PIK3C2G: variants seen among roughly 807,000 people sequenced by gnomAD.
PIK3C2G encodes the protein phosphatidylinositol 3-kinase C2 domain-containing subunit gamma.
A neutral mutation model predicts 181.1 loss-of-function variants in PIK3C2G; 168 were observed. That is an observed-to-expected ratio of 0.93 (90% CI 0.82 to 1.05). PIK3C2G has a LOEUF of 1.05. Among genes scored for constraint, PIK3C2G ranks in the 50% least tolerant of loss-of-function variants. The pLI is 0.00. For missense variants in PIK3C2G, 1,869 were observed against 1,732.8 expected (o/e 1.08, Z -1.40); for synonymous variants, 573 against 592.2 (o/e 0.97, Z 0.47).
chr12:18,286,923 T>TA lies in PIK3C2G; in HGVS notation c.761dup (p.Ile255AsnfsTer9). 6.5e-7 allele frequency: 1 copy of TA among 1,537,070 alleles called. No individual in the cohort carries two copies. The highest frequency in any genetic ancestry group is 8.8e-7 in the Non-Finnish European group (1 of 1,136,678). On this transcript the variant is annotated frameshift_variant, in exon 3 of 33. Coordinates refer to ENST00000538779, the MANE Select transcript of PIK3C2G (RefSeq NM_001288772.2). LOFTEE classifies it high-confidence loss of function. ...AGTCTGGCCTCTTTTTGCAACAAAG[T>TA]AAAAAAGTGAGTACTGGTATTTCAT...
At chr12:18,683,453 C>T in the PIK3C2G span, 114 of 1,426,386 alleles carry the variant, frequency 8.0e-5, 1 homozygote, top group Admixed American at 8.2e-4. Context: ...GTTATATTCC[C>T]ATCTGGTATA....
chr12:18,479,546 T>A (rs535192266), intron 18 of PIK3C2G, among the ~76,000 whole-genome samples: 4 of 152,280 alleles, frequency 2.6e-5, no homozygotes, highest in African/African-American at 9.6e-5. Context: ...AACACAGCTA[T>A]GCAAAATGCT....
chr12:18,393,316 C>G (rs2138067474), intron 15 of PIK3C2G, among the ~76,000 whole-genome samples: 1 of 152,138 alleles, frequency 6.6e-6, no homozygotes, highest in South Asian at 2.1e-4. Flanking sequence ...CAGTTTTATT[C>G]TGGACTGTGA....
chr12:18,285,668 T>C (rs1040252102), intron 2 of PIK3C2G, among the ~76,000 whole-genome samples: 1 of 151,874 alleles, frequency 6.6e-6, no homozygotes, highest in Non-Finnish European at 1.5e-5. Flanking sequence ...AGGGTGTATA[T>C]TGCAATTCCT....
intron 8 of PIK3C2G, among the ~76,000 whole-genome samples, chr12:18,327,288 T>G (rs956019198): frequency 2.0e-5 from 3 of 152,082 alleles, no homozygotes; most frequent in Non-Finnish European, 4.4e-5. Context: ...GTTCACAATT[T>G]TGCGCTTTCT....
At chr12:18,277,049 A>G (rs1179584673) in intron 1 of PIK3C2G, among the ~76,000 whole-genome samples, 1 of 152,200 alleles carries the variant, frequency 6.6e-6, no homozygotes, top group African/African-American at 2.4e-5. Context: ...TTAAATAAAA[A>G]TAGTATCAGA....
chr12:18,376,130 G>A (rs968893727), intron 13 of PIK3C2G, among the ~76,000 whole-genome samples: 2 of 152,190 alleles, frequency 1.3e-5, no homozygotes, highest in African/African-American at 4.8e-5. Flanking sequence ...CTGCATAGTA[G>A]AGATGTGGGA....
At chr12:18,722,781 C>A in the PIK3C2G span, among the ~76,000 whole-genome samples, 1 of 151,800 alleles carries the variant, frequency 6.6e-6, no homozygotes, top group Non-Finnish European at 1.5e-5. Flanking sequence ...AAATGAAGAA[C>A]AAGCGAAAAG....
intron 16 of PIK3C2G, among the ~76,000 whole-genome samples, chr12:18,415,940 G>T (rs575507802): frequency 6.6e-6 from 1 of 152,132 alleles, no homozygotes; most frequent in African/African-American, 2.4e-5. Context: ...TAGCAGAGTT[G>T]GTTCATAAGG....
At chr12:18,343,183 G>T in intron 9 of PIK3C2G, 144 bp from the exon 10 acceptor site, 4 of 588,698 alleles carry the variant, frequency 6.8e-6, no homozygotes, top group Non-Finnish European at 1.2e-5. Context: ...TGTTTAATAA[G>T]CAAATTGATA....
At chr12:18,530,783 C>T (rs2136215491) in intron 24 of PIK3C2G, among the ~76,000 whole-genome samples, 1 of 152,184 alleles carries the variant, frequency 6.6e-6, no homozygotes, top group East Asian at 1.9e-4. Context: ...TCACCTGCTC[C>T]ACCACGTGAA....
At chr12:18,327,105 C>T (rs998804309) in intron 8 of PIK3C2G, among the ~76,000 whole-genome samples, 1 of 152,044 alleles carries the variant, frequency 6.6e-6, no homozygotes, top group African/African-American at 2.4e-5. Context: ...TTTCCATTAT[C>T]ACTGGCAAAC....
chr12:18,468,699 T>C (rs546910793), intron 18 of PIK3C2G, among the ~76,000 whole-genome samples: 1 of 152,216 alleles, frequency 6.6e-6, no homozygotes, highest in African/African-American at 2.4e-5. Context: ...TATTCTGTGA[T>C]TAAAAAATAA....
chr12:18,664,455 A>C, the PIK3C2G span, among the ~76,000 whole-genome samples: 79,713 of 152,018 alleles, frequency 0.52, 21,969 homozygotes, highest in South Asian at 0.67. Flanking sequence ...GAAGGAAATT[A>C]TGGCATATAC....
At chr12:18,693,377 T>C in the PIK3C2G span, 1 of 1,604,182 alleles carries the variant, frequency 6.2e-7, no homozygotes, top group African/African-American at 1.3e-5. Context: ...TTAAGGAATC[T>C]GTGGAGCTTC....
chr12:18,395,084 C>CTTCCTTCTTTCTTTCTTTCTTTCTTTCT (rs1943787575), intron 15 of PIK3C2G, among the ~76,000 whole-genome samples: 10 of 141,580 alleles, frequency 7.1e-5, no homozygotes, highest in Non-Finnish European at 1.5e-5. Context: ...TCTTTCATTC[C>CTTCCTTCTTTCTTTCTTTCTTTCTTTCT]TTCTTTCTTT....
At chr12:18,453,735 T>C (rs941701940) in intron 18 of PIK3C2G, among the ~76,000 whole-genome samples, 2 of 148,568 alleles carry the variant, frequency 1.3e-5, no homozygotes, top group Non-Finnish European at 3.0e-5. Flanking sequence ...TTCTTTTCAA[T>C]TAAAAGAGAG....
intron 31 of PIK3C2G, among the ~76,000 whole-genome samples, chr12:18,638,167 A>G (rs1194913724): frequency 3.3e-5 from 5 of 152,072 alleles, no homozygotes; most frequent in Admixed American, 6.6e-5. Context: ...CTGGGATTTG[A>G]GTTTGGTTAT....
intron 32 of PIK3C2G, among the ~76,000 whole-genome samples, chr12:18,644,851 A>C (rs1156804108): frequency 1.3e-5 from 2 of 152,022 alleles, no homozygotes; most frequent in African/African-American, 4.8e-5. Context: ...CTCCTCTACC[A>C]CTTCCCACAA....
Sources: allele counts gnomAD v4.1 joint callset (sites outside exome capture counted in the v4.1 genomes callset), GRCh38; gene constraint gnomAD v4.1.1; transcripts MANE v1.5; gene names NCBI Gene and HGNC (gene_info 2026-07-23, HGNC 2026-07-21).